Variants in IGFBP2 observed in about 807,000 individuals in gnomAD.
IGFBP2 encodes insulin-like growth factor-binding protein 2.
IGFBP2 carries 12 observed loss-of-function variants against 26.2 expected under a neutral mutation model. The ratio of observed to expected loss-of-function variants is 0.46; its 90% CI spans 0.29 to 0.74. The LOEUF is 0.74. IGFBP2 is among the 30% of genes least tolerant of loss of function. The pLI, the probability that IGFBP2 is intolerant of heterozygous loss-of-function variation, is 0.09. For missense variants in IGFBP2, 328 were observed against 441.2 expected, an observed-to-expected ratio of 0.74 and a Z score of 2.30; for synonymous variants, 189 against 200.6, an observed-to-expected ratio of 0.94 and a Z score of 0.49.
At chr2:216,639,186 C>T (rs1697564532) in intron 1 of IGFBP2, among the ~76,000 whole-genome samples, 1 of 152,002 alleles carries the variant, frequency 6.6e-6, no homozygotes, top group Admixed American at 6.6e-5. Context: ...GCATGCACCA[C>T]CATACACGGT....
intron 1 of IGFBP2, among the ~76,000 whole-genome samples, chr2:216,636,666 G>C (rs753965783): frequency 4.6e-4 from 70 of 152,198 alleles, no homozygotes; most frequent in Non-Finnish European, 9.3e-4. Context: ...TTTGGTGGTG[G>C]AGTGGATAGA....
intron 1 of IGFBP2, among the ~76,000 whole-genome samples, chr2:216,654,647 A>G (rs1481229281): frequency 6.6e-6 from 1 of 152,284 alleles, no homozygotes; most frequent in East Asian, 1.9e-4. Context: ...AGATCTGGCT[A>G]CGGGATTTGA....
intron 1 of IGFBP2, among the ~76,000 whole-genome samples, chr2:216,635,133 C>T (rs2106185756): frequency 6.6e-6 from 1 of 152,260 alleles, no homozygotes; most frequent in East Asian, 1.9e-4. Flanking sequence ...CGCCTCCCTT[C>T]TCCTGGTCGG....
chr2:216,638,774 A>G (rs1697553623), intron 1 of IGFBP2, among the ~76,000 whole-genome samples: 1 of 148,928 alleles, frequency 6.7e-6, no homozygotes, highest in South Asian at 2.1e-4. Flanking sequence ...ATCTCGGCTC[A>G]CTGCAAGCTC....
chr2:216,646,117 G>A (rs1019678096), intron 1 of IGFBP2, among the ~76,000 whole-genome samples: 4 of 152,264 alleles, frequency 2.6e-5, no homozygotes, highest in Admixed American at 1.3e-4. Flanking sequence ...GAGAGTGGCC[G>A]GCAATCCTGG....
At chr2:216,650,106 G>A (rs1448794561) in intron 1 of IGFBP2, among the ~76,000 whole-genome samples, 3 of 152,196 alleles carry the variant, frequency 2.0e-5, no homozygotes, top group Non-Finnish European at 4.4e-5. Flanking sequence ...CAAAGGCATG[G>A]GGGCCTGGCA....
chr2:216,661,000 T>G, intron 2 of IGFBP2: 1 of 581,414 alleles, frequency 1.7e-6, no homozygotes, highest in South Asian at 2.1e-5. Context: ...TTTCTTGATG[T>G]TCTTTCCTTC....
rs9341149 is a variant in IGFBP2 at position 216,647,722 on chromosome 2, A to T, written c.443-12835A>T. Among the ~76,000 whole-genome samples, 8 of 151,914 alleles carry T rather than the reference A, an allele frequency of 5.3e-5. No individual in the cohort carries two copies. The East Asian group carries it at 7.8e-4, about 15-fold the overall frequency. On this transcript the variant is annotated intron_variant, in intron 1 of 3. Transcript: ENST00000233809. Reference sequence around the variant, plus strand: ...TTTTTAGTAGAGACGGGGTTTCACCATGTTAGCCAGGATGGTCTCGATTTG... The same window carrying T: ...TTTTTAGTAGAGACGGGGTTTCACCTTGTTAGCCAGGATGGTCTCGATTTG...
Position 216,664,396 on chromosome 2 carries a change from C to G in IGFBP2, c.*292C>G, listed in dbSNP as rs909944696. 1.1e-5 allele frequency: 3 copies of G among 280,296 alleles called. No homozygotes were observed. The highest frequency in any genetic ancestry group is 6.5e-5 in the African/African-American group (3 of 46,270). 17.4% of individuals were successfully genotyped at this position (280,296 alleles called of 1,614,324 possible). A position where few individuals can be genotyped will look rare whatever the true frequency, so the allele number is the denominator to read the frequency against. ...AAGAGAAATTTTTATTTTTGAACCCCTGTGTCCCTTTTGCATAAGATTAAA... is the reference window on the plus strand; with the variant it reads ...AAGAGAAATTTTTATTTTTGAACCCGTGTGTCCCTTTTGCATAAGATTAAA... On this transcript the variant is annotated 3_prime_UTR_variant, in exon 4 of 4. Coordinates refer to ENST00000233809, the MANE Select transcript of IGFBP2 (RefSeq NM_000597.3). The surrounding 1 kb of genome is among the most constrained non-coding windows in gnomAD (Gnocchi z 4.6).
At chr2:216,634,892 C>CTTT (rs1191096035) in intron 1 of IGFBP2, among the ~76,000 whole-genome samples, 2 of 23,784 alleles carry the variant, frequency 8.4e-5, no homozygotes, top group Non-Finnish European at 1.2e-4. Flanking sequence ...AAGGAGGTTA[C>CTTT]TTTTTTTTTT....
chr2:216,636,959 A>G (rs1697510808), intron 1 of IGFBP2, among the ~76,000 whole-genome samples: 1 of 150,362 alleles, frequency 6.7e-6, no homozygotes, highest in Admixed American at 6.7e-5. Flanking sequence ...GGGCCTGGGG[A>G]GGCTCTGCAT....
chr2:216,633,925 C>CCGGG lies in IGFBP2; in HGVS notation c.403_406dup (p.Asp136AlafsTer18). The CCGGG allele has an allele frequency of 6.2e-7, 1 of 1,603,120 alleles. No individual in the cohort carries two copies. The highest frequency in any genetic ancestry group is 8.5e-7 in the Non-Finnish European group (1 of 1,176,366). ...TGGGCGAGGGCACTTGTGAGAAGCG[C>CCGGG]CGGGACGCCGAGTATGGCGCCAGCC... On this transcript the variant is annotated frameshift_variant, in exon 1 of 4. Transcript: ENST00000233809. LOFTEE classifies it high-confidence loss of function.
intron 3 of IGFBP2, chr2:216,663,525 G>C (rs574329932): frequency 1.8e-5 from 3 of 163,980 alleles, no homozygotes; most frequent in Non-Finnish European, 4.0e-5. Flanking sequence ...TGCACACACA[G>C]TGCCTGGCAC....
chr2:216,643,664 C>CT (rs1697656249), intron 1 of IGFBP2, among the ~76,000 whole-genome samples: 1 of 148,120 alleles, frequency 6.8e-6, no homozygotes, highest in Non-Finnish European at 1.5e-5. Context: ...AGCTGATGAG[C>CT]TAAAAAAAAA....
At chr2:216,649,841 A>G (rs1216669355) in intron 1 of IGFBP2, among the ~76,000 whole-genome samples, 1 of 150,790 alleles carries the variant, frequency 6.6e-6, no homozygotes, top group Non-Finnish European at 1.5e-5. Context: ...GTTTCTGTTC[A>G]CTCGGGGGGA....
chr2:216,659,661 G>A, intron 1 of IGFBP2: 3 of 1,417,052 alleles, frequency 2.1e-6, no homozygotes, highest in Non-Finnish European at 9.6e-7. Context: ...CCTTCACCTA[G>A]GCTGTGCATA....
At position 216,633,706 on chromosome 2, in the gene IGFBP2, CGCCGCGGTG is replaced by C; in HGVS notation, c.189_197del (p.Ala66_Ala68del). 3.4e-6 allele frequency: 4 copies of C among 1,192,806 alleles called. No homozygotes were observed. The highest frequency in any genetic ancestry group is 4.1e-6 in the Non-Finnish European group (4 of 964,412). The allele number at this position is 1,192,806 out of a possible 1,614,324, so 73.9% of individuals were successfully genotyped here. A position where few individuals can be genotyped will look rare whatever the true frequency, so the allele number is the denominator to read the frequency against. On this transcript the variant is annotated inframe_deletion, in exon 1 of 4. Coordinates refer to ENST00000233809, the MANE Select transcript of IGFBP2 (RefSeq NM_000597.3). ...GCGGGCCCCCGCCGGTTGCGCCGCC[CGCCGCGGTG>C]GCCGCAGTGGCCGGAGGCGCCCGCA...
Position 216,660,549 on chromosome 2 carries a change from C to A in IGFBP2, c.443-8C>A. 6.3e-7 allele frequency: 1 copy of A among 1,588,364 alleles called. No homozygotes were observed. Among genetic ancestry groups the A allele is most frequent in the Non-Finnish European group, 8.6e-7 (1 of 1,165,532 alleles). On this transcript the variant is annotated splice_polypyrimidine_tract_variant and splice_region_variant and intron_variant, in intron 1 of 3. Transcript: ENST00000233809. ...CCTGGAGCTTTTCTTCCCTTCCTCT[C>A]TTGGCAGACAATGGCGATGACCACT... is the stretch of plus-strand genomic sequence containing the variant.
intron 1 of IGFBP2, among the ~76,000 whole-genome samples, chr2:216,645,638 C>T (rs1262581623): frequency 6.6e-6 from 1 of 152,196 alleles, no homozygotes; most frequent in African/African-American, 2.4e-5. Flanking sequence ...CTGATTCTTG[C>T]AATACAGGAG....
Sources: gnomAD v4.1 joint callset for allele counts (sites outside exome capture counted in the v4.1 genomes callset) on GRCh38, gnomAD v4.1.1 for gene constraint, Gnocchi (gnomAD v3.1) non-coding constraint, MANE v1.5 for transcripts, NCBI Gene and HGNC (gene_info 2026-07-23, HGNC 2026-07-21) for gene names.